Variants in FGF13 observed in about 807,000 individuals in gnomAD.
FGF13 encodes the protein fibroblast growth factor 13, also known as fibroblast growth factor homologous factor 2.
In FGF13, 2 loss-of-function variants were observed where a neutral mutation model predicts 19.5. That is an observed-to-expected ratio of 0.10 (90% CI 0.04 to 0.32). The LOEUF (loss-of-function observed/expected upper bound fraction) is 0.32. FGF13 is among the 10% of genes least tolerant of loss of function. FGF13 has a pLI of 1.00. For missense variants in FGF13, 113 were observed against 192.7 expected, an observed-to-expected ratio of 0.59 and a Z score of 2.45; for synonymous variants, 72 against 76.9, an observed-to-expected ratio of 0.94 and a Z score of 0.33.
chrX:139,085,526 CA>C (rs1490948750), intron 1 of FGF13, among the ~76,000 whole-genome samples: 2 of 111,827 alleles, frequency 1.8e-5, no homozygotes, highest in African/African-American at 3.3e-5. Flanking sequence ...AAGAGCCACC[CA>C]AAGTGTGTTT....
chrX:138,641,097 C>A (rs2124108138), intron 3 of FGF13, among the ~76,000 whole-genome samples: 1 of 112,366 alleles, frequency 8.9e-6, no homozygotes, highest in South Asian at 3.7e-4. Flanking sequence ...TTGCCAAGTG[C>A]ACACATCCTG....
At chrX:139,191,981 C>G (rs141233120) in intron 1 of FGF13, among the ~76,000 whole-genome samples, 1,487 of 111,686 alleles carry the variant, frequency 0.013, 27 homozygotes, top group African/African-American at 0.046. Context: ...GCCCTCTCTG[C>G]GAGAGCCGAG....
rs148209648 is a variant in FGF13, at chrX:138,814,710, T to G, written c.217+42802A>C. ...ACAAGATAACAAGTGTTGGGGAGGA[T>G]GTAGGGAATATCATTGTGTTCTCAT... On this transcript the variant is annotated intron_variant, in intron 3 of 6. Coordinates refer to the FGF13 transcript ENST00000436198. Among the ~76,000 whole-genome samples, 1,093 of 111,245 alleles carry G rather than the reference T, an allele frequency of 9.8e-3. 15 individuals carry two copies. The highest frequency in any genetic ancestry group is 0.034 in the African/African-American group (1,028 of 30,644).
Position 138,983,204 on chromosome X carries a change from C to G in FGF13, c.-112-118554G>C, listed in dbSNP as rs145528367. On this transcript the variant is annotated intron_variant, in intron 1 of 2. Transcript: ENST00000421460. ...CATTGCCAAGATCAATGTCAAGAGG[C>G]ATTTTCCCCATGTTATCTTCTGGGA... is the stretch of plus-strand genomic sequence containing the variant. 6.8e-3 allele frequency among the ~76,000 whole-genome samples: 741 copies of G among 109,554 alleles called. 4 individuals carry two copies. Among genetic ancestry groups the G allele is most frequent in the African/African-American group, 0.023 (708 of 30,195 alleles).
At chrX:138,754,182 T>C (rs1298486549) in intron 3 of FGF13, among the ~76,000 whole-genome samples, 2 of 111,797 alleles carry the variant, frequency 1.8e-5, no homozygotes, top group African/African-American at 6.5e-5. Context: ...ATGTAAATGT[T>C]GATGTTTTGC....
chrX:139,154,512 CTAAA>C (rs1263936630), intron 1 of FGF13, among the ~76,000 whole-genome samples: 9 of 111,022 alleles, frequency 8.1e-5, no homozygotes, highest in Non-Finnish European at 1.7e-4. Context: ...TCAGCAGATA[CTAAA>C]TGAGAGTCAC....
chrX:139,078,276 C>A (rs2083345659), intron 1 of FGF13, among the ~76,000 whole-genome samples: 1 of 109,781 alleles, frequency 9.1e-6, no homozygotes, highest in South Asian at 3.9e-4. Context: ...CACTTCGCTG[C>A]AAATCAAGCA....
chrX:138,825,077 C>T (rs1007962786), intron 3 of FGF13, among the ~76,000 whole-genome samples: 1 of 111,909 alleles, frequency 8.9e-6, no homozygotes, highest in Non-Finnish European at 1.9e-5. Context: ...GCTGTTATTA[C>T]ACTGATCTTC....
chrX:139,123,168 T>A (rs1056539539), intron 1 of FGF13, among the ~76,000 whole-genome samples: 7 of 111,898 alleles, frequency 6.3e-5, no homozygotes, highest in Non-Finnish European at 9.4e-5. Flanking sequence ...ACAGTGTTCC[T>A]GTTCCCACCT....
chrX:138,618,566 G>C lies in FGF13; in HGVS notation c.*14284C>G, dbSNP rs1303976339. The C allele has an allele frequency of 9.0e-6, 1 of 111,600 alleles. No individual in the cohort carries two copies. The highest frequency in any genetic ancestry group is 3.3e-5 in the African/African-American group (1 of 30,603). The allele number at this position is 111,600 out of a possible 1,213,427, so 9.2% of individuals were successfully genotyped here. A position where few individuals can be genotyped will look rare whatever the true frequency, so the allele number is the denominator to read the frequency against. On this transcript the variant is annotated 3_prime_UTR_variant, in exon 5 of 5. Coordinates refer to ENST00000315930, the MANE Select transcript of FGF13 (RefSeq NM_004114.5). The stretch of plus-strand genomic sequence containing the variant: ...GGAGGCCCACCCACTAGTGGCTTGG[G>C]ATGCCTGAACTGTAAACCCCCGAAG...
chrX:138,634,266 C>G (rs751970145), intron 4 of FGF13, among the ~76,000 whole-genome samples: 3 of 111,864 alleles, frequency 2.7e-5, no homozygotes, highest in Non-Finnish European at 3.8e-5. Context: ...ACGATCTCAG[C>G]TCGCTGTAAG....
chrX:138,853,928 G>T (rs2091241962), downstream of FGF13, among the ~76,000 whole-genome samples: 1 of 111,256 alleles, frequency 9.0e-6, no homozygotes, highest in South Asian at 3.7e-4. Context: ...TGGCATTTAG[G>T]AAATGACAAC....
intron 1 of FGF13, among the ~76,000 whole-genome samples, chrX:138,947,938 C>A (rs1397868207): frequency 9.0e-6 from 1 of 111,308 alleles, no homozygotes; most frequent in African/African-American, 3.3e-5. Context: ...GAGGAAAGAC[C>A]ATGTGAAGAC....
At chrX:139,139,279 G>C (rs2083824844) in intron 1 of FGF13, among the ~76,000 whole-genome samples, 1 of 111,645 alleles carries the variant, frequency 9.0e-6, no homozygotes, top group Non-Finnish European at 1.9e-5. Context: ...AAGCTAGTTA[G>C]GCAAAGACGT....
At chrX:138,689,866 G>A (rs2089821814) in intron 3 of FGF13, among the ~76,000 whole-genome samples, 1 of 112,040 alleles carries the variant, frequency 8.9e-6, no homozygotes, top group South Asian at 3.7e-4. Flanking sequence ...TGTCTGTTGA[G>A]TGTATTTTCT....
chrX:139,108,221 T>G (rs940350019), intron 1 of FGF13, among the ~76,000 whole-genome samples: 1 of 112,155 alleles, frequency 8.9e-6, no homozygotes, highest in African/African-American at 3.2e-5. Context: ...CAGAAACCTA[T>G]GTAAGAAAAT....
At chrX:138,644,251 T>C (rs1365066394) in intron 3 of FGF13, among the ~76,000 whole-genome samples, 1 of 111,297 alleles carries the variant, frequency 9.0e-6, no homozygotes, top group Non-Finnish European at 1.9e-5. Flanking sequence ...GGTGGGTGCA[T>C]ATTATATTCT....
chrX:139,123,955 C>T (rs2083695961), intron 1 of FGF13, among the ~76,000 whole-genome samples: 1 of 112,232 alleles, frequency 8.9e-6, no homozygotes, highest in South Asian at 3.7e-4. Flanking sequence ...GGACGAGGCA[C>T]AATTGTTGCC....
intron 3 of FGF13, among the ~76,000 whole-genome samples, chrX:138,664,484 G>A (rs1021947297): frequency 9.0e-6 from 1 of 110,559 alleles, no homozygotes; most frequent in Non-Finnish European, 1.9e-5. Flanking sequence ...TCAGAAAAGC[G>A]ATCAGCTGAA....
Sources: gnomAD v4.1 joint callset for allele counts (sites outside exome capture counted in the v4.1 genomes callset) on GRCh38, gnomAD v4.1.1 for gene constraint, MANE v1.5 for transcripts, NCBI Gene and HGNC (gene_info 2026-07-23, HGNC 2026-07-21) for gene names.